Variants in ARHGEF6 observed in about 807,000 individuals in gnomAD.
The protein encoded by ARHGEF6 is rho guanine nucleotide exchange factor 6.
In ARHGEF6, 9 loss-of-function variants were observed where a neutral mutation model predicts 70.3. That is an observed-to-expected ratio of 0.13 (90% CI 0.08 to 0.22). The LOEUF is 0.22. ARHGEF6 is among the 10% of genes least tolerant of loss of function. ARHGEF6 has a pLI of 1.00. For synonymous variants in ARHGEF6, 201 were observed against 207.8 expected, an observed-to-expected ratio of 0.97 and a Z score of 0.28; for missense variants, 470 against 563.0, an observed-to-expected ratio of 0.83 and a Z score of 1.67.
chrX:136,681,799 G>T, intron 14 of ARHGEF6, 91 bp downstream of exon 14: 1 of 877,461 alleles, frequency 1.1e-6, no homozygotes, highest in Non-Finnish European at 1.7e-6. Context: ...CGTGGCCTAT[G>T]TAACAGGAAA....
At chrX:136,671,892 A>C in intron 20 of ARHGEF6, 128 bp downstream of exon 20, 1 of 577,153 alleles carries the variant, frequency 1.7e-6, no homozygotes. Flanking sequence ...ATGCACAGCA[A>C]AGCAGGCCGC....
intron 6 of ARHGEF6, among the ~76,000 whole-genome samples, chrX:136,725,362 T>G (rs1280445125): frequency 2.9e-5 from 3 of 103,014 alleles, no homozygotes; most frequent in East Asian, 3.0e-4. Context: ...TATCAAATTA[T>G]GCCCCCCCCC....
rs1049791595 is a variant in ARHGEF6 at position 136,747,431 on chromosome X, G to A, written c.334+77C>T. The A allele has an allele frequency of 1.3e-5, 12 of 953,387 alleles. No individual in the cohort carries two copies. In the African/African-American group the frequency reaches 2.3e-4, roughly 18 times the overall value. 78.6% of individuals were successfully genotyped at this position (953,387 alleles called of 1,213,427 possible). ...CATCACGAGAACAATCCTGGCCAGA[G>A]TTGGCTCCTAGGGTAATCACAAACA... On this transcript the variant is annotated intron_variant, in intron 3 of 21. Coordinates refer to ENST00000250617, the MANE Select transcript of ARHGEF6 (RefSeq NM_004840.3).
intron 20 of ARHGEF6, among the ~76,000 whole-genome samples, chrX:136,670,628 C>T (rs1034371749): frequency 3.6e-5 from 4 of 111,064 alleles, no homozygotes; most frequent in Admixed American, 9.6e-5. Flanking sequence ...AGGAGTTCGA[C>T]GTTTTCAATT....
intron 8 of ARHGEF6, among the ~76,000 whole-genome samples, chrX:136,707,410 G>A (rs777775710): frequency 8.9e-6 from 1 of 112,373 alleles, no homozygotes; most frequent in Non-Finnish European, 1.9e-5. Context: ...AGAATATTAT[G>A]TAATCTTGGA....
At chrX:136,677,539 A>C (rs2076292624) in intron 17 of ARHGEF6, among the ~76,000 whole-genome samples, 1 of 111,863 alleles carries the variant, frequency 8.9e-6, no homozygotes, top group African/African-American at 3.2e-5. Context: ...CAATTTTCCA[A>C]GAAATGTGTA....
chrX:136,761,903 A>AT (rs199525244), intron 2 of ARHGEF6, among the ~76,000 whole-genome samples: 1 of 107,476 alleles, frequency 9.3e-6, no homozygotes, highest in African/African-American at 3.4e-5. Flanking sequence ...TTACCCTTCC[A>AT]TTTTTTTTCT....
intron 5 of ARHGEF6, among the ~76,000 whole-genome samples, chrX:136,742,361 C>T (rs752835576): frequency 7.2e-5 from 8 of 111,392 alleles, no homozygotes; most frequent in Non-Finnish European, 5.7e-5. Flanking sequence ...CCGTATATTT[C>T]CAGAATGTTT....
chrX:136,704,897 T>C (rs975715528), intron 9 of ARHGEF6, among the ~76,000 whole-genome samples: 2 of 112,053 alleles, frequency 1.8e-5, no homozygotes, highest in Non-Finnish European at 3.8e-5. Context: ...TATCCACTAA[T>C]ATGTCTATAA....
chrX:136,729,000 TTC>T (rs746818580), intron 6 of ARHGEF6, among the ~76,000 whole-genome samples: 190 of 16,056 alleles, frequency 0.012, 2 homozygotes, highest in Non-Finnish European at 0.013. Context: ...TCCTTATTCA[TTC>T]TCTCTCTCTC....
intron 2 of ARHGEF6, chrX:136,767,378 G>A (rs950904738): frequency 4.4e-5 from 33 of 754,254 alleles, no homozygotes; most frequent in Admixed American, 1.7e-4. Context: ...AGCGGGGAGG[G>A]GCGGCTGCAA....
Position 136,690,886 on chromosome X carries a change from T to C in ARHGEF6, c.1047-138A>G. Reference sequence around the variant, plus strand: ...TTTTACTAGTCCAAATGCTGTTCAATTTGTTTTGGCTCAACTAAATCAGGT... The same window carrying C: ...TTTTACTAGTCCAAATGCTGTTCAACTTGTTTTGGCTCAACTAAATCAGGT... On this transcript the variant is annotated intron_variant, in intron 9 of 21. Transcript: ENST00000250617. The C allele has an allele frequency of 6.9e-6, 5 of 726,054 alleles. No homozygotes were observed. The South Asian group carries it at 1.3e-4, about 19-fold the overall frequency. The allele number at this position is 726,054 out of a possible 1,213,427, so 59.8% of individuals were successfully genotyped here. A position where few individuals can be genotyped will look rare whatever the true frequency, so the allele number is the denominator to read the frequency against.
chrX:136,773,242 A>T (rs1440411674), intron 2 of ARHGEF6, among the ~76,000 whole-genome samples: 1 of 112,385 alleles, frequency 8.9e-6, no homozygotes, highest in Non-Finnish European at 1.9e-5. Context: ...TGTTCTAAGC[A>T]ACAGTCAAGC....
chrX:136,712,660 T>C (rs906570166), intron 7 of ARHGEF6, among the ~76,000 whole-genome samples: 1 of 112,195 alleles, frequency 8.9e-6, no homozygotes, highest in South Asian at 3.6e-4. Context: ...AAAAAAATGG[T>C]CACTACTTTT....
At chrX:136,710,053 C>T (rs926200586) in intron 7 of ARHGEF6, among the ~76,000 whole-genome samples, 1 of 110,344 alleles carries the variant, frequency 9.1e-6, no homozygotes, top group Non-Finnish European at 1.9e-5. Context: ...CGCCTGAAAT[C>T]CCAGCACTTT....
At chrX:136,730,569 G>A (rs1367975310) in intron 6 of ARHGEF6, among the ~76,000 whole-genome samples, 1 of 111,255 alleles carries the variant, frequency 9.0e-6, no homozygotes, top group Non-Finnish European at 1.9e-5. Context: ...TTAGGTCTGA[G>A]GTTTGGGATG....
intron 16 of ARHGEF6, among the ~76,000 whole-genome samples, chrX:136,678,982 C>T (rs369720116): frequency 8.9e-6 from 1 of 111,858 alleles, no homozygotes; most frequent in Non-Finnish European, 1.9e-5. Context: ...AATCCCCACA[C>T]TACCCAAATA....
intron 6 of ARHGEF6, among the ~76,000 whole-genome samples, chrX:136,719,223 A>G (rs1225867910): frequency 1.8e-5 from 2 of 110,326 alleles, no homozygotes; most frequent in African/African-American, 6.6e-5. Flanking sequence ...AGCAGATTAC[A>G]TATTCTCCTC....
In ARHGEF6 at chrX:136,732,267, G is replaced by C. The variant is rs2076943462; in HGVS notation, c.662-95C>G. The C allele has an allele frequency of 4.6e-6, 3 of 652,162 alleles. No individual in the cohort carries two copies. In the African/African-American group the frequency reaches 6.6e-5, roughly 14 times the overall value. The allele number at this position is 652,162 out of a possible 1,213,427, so 53.7% of individuals were successfully genotyped here. ...AACTAACATACTATAAAGATTCCCA[G>C]TGGAAGGATCAATGGAAATGTACAT... On this transcript the variant is annotated intron_variant, in intron 5 of 21. Transcript: ENST00000250617.
Sources: gnomAD v4.1 joint callset for allele counts (sites outside exome capture counted in the v4.1 genomes callset) on GRCh38, gnomAD v4.1.1 for gene constraint, MANE v1.5 for transcripts, NCBI Gene and HGNC (gene_info 2026-07-23, HGNC 2026-07-21) for gene names.